The following PARD3B variants were observed in gnomAD, a reference collection of about 807,000 sequenced individuals.
PARD3B encodes par-3 family cell polarity regulator beta.
A neutral mutation model predicts 130.2 loss-of-function variants in PARD3B; 103 were observed. That is an observed-to-expected ratio of 0.79 (90% CI 0.67 to 0.93). The LOEUF is 0.93. Among genes scored for constraint, PARD3B ranks in the 40% least tolerant of loss-of-function variants. The pLI, the probability that PARD3B is intolerant of heterozygous loss-of-function variation, is 0.00. For synonymous variants in PARD3B, 583 were observed against 553.2 expected, an observed-to-expected ratio of 1.05 and a Z score of -0.76; for missense variants, 1,609 against 1,499.2, an observed-to-expected ratio of 1.07 and a Z score of -1.21.
intron 3 of PARD3B, among the ~76,000 whole-genome samples, chr2:205,023,968 G>A (rs10187835): frequency 0.018 from 2,805 of 152,114 alleles, 46 homozygotes; most frequent in African/African-American, 0.045. Context: ...GGTGTGTGGT[G>A]AGGAGAAAAT....
chr2:205,063,854 T>G (rs944291993), intron 4 of PARD3B, among the ~76,000 whole-genome samples: 1 of 152,150 alleles, frequency 6.6e-6, no homozygotes, highest in Admixed American at 6.6e-5. Context: ...GTAAAGCATG[T>G]AGGTATTCTA....
chr2:205,214,172 G>A (rs1419596624), intron 15 of PARD3B, among the ~76,000 whole-genome samples: 1 of 152,012 alleles, frequency 6.6e-6, no homozygotes, highest in African/African-American at 2.4e-5. Context: ...TTGCAGAACA[G>A]AGTAGAAGAT....
At chr2:205,192,106 A>G (rs1015467121) in intron 14 of PARD3B, among the ~76,000 whole-genome samples, 1 of 152,200 alleles carries the variant, frequency 6.6e-6, no homozygotes, top group Non-Finnish European at 1.5e-5. Flanking sequence ...CTGCATACTA[A>G]TTTTAATATT....
At chr2:205,360,452 T>C (rs1274352564) in intron 18 of PARD3B, among the ~76,000 whole-genome samples, 1 of 152,234 alleles carries the variant, frequency 6.6e-6, no homozygotes, top group Non-Finnish European at 1.5e-5. Context: ...AAAAATACTT[T>C]CCTACATTTC....
intron 2 of PARD3B, among the ~76,000 whole-genome samples, chr2:204,818,336 G>A (rs1485521099): frequency 6.6e-6 from 1 of 152,158 alleles, no homozygotes; most frequent in African/African-American, 2.4e-5. Flanking sequence ...AATGAAAGTA[G>A]ATATTAATTA....
At chr2:205,578,890 G>T (rs2053862170) in intron 22 of PARD3B, among the ~76,000 whole-genome samples, 1 of 152,168 alleles carries the variant, frequency 6.6e-6, no homozygotes, top group African/African-American at 2.4e-5. Context: ...TAAGGTAAGG[G>T]CCGTCTCTTA....
chr2:204,801,813 T>C (rs1235476733), intron 2 of PARD3B, among the ~76,000 whole-genome samples: 2 of 152,186 alleles, frequency 1.3e-5, no homozygotes, highest in Non-Finnish European at 1.5e-5. Context: ...TCCAGCCTTT[T>C]CCCATTTAGT....
At chr2:205,140,027 T>C (rs909613392) in intron 10 of PARD3B, among the ~76,000 whole-genome samples, 2 of 152,212 alleles carry the variant, frequency 1.3e-5, no homozygotes, top group African/African-American at 4.8e-5. Context: ...TCCCAAAGAT[T>C]GCGTTGCCTC....
At chr2:205,462,403 A>G (rs1364344247) in intron 20 of PARD3B, among the ~76,000 whole-genome samples, 2 of 152,176 alleles carry the variant, frequency 1.3e-5, no homozygotes, top group Non-Finnish European at 2.9e-5. Context: ...ACACCTGCAC[A>G]TGCATTCTTA....
chr2:205,121,446 T>C lies in PARD3B; in HGVS notation c.807-145T>C. 1.3e-6 allele frequency: 1 copy of C among 742,494 alleles called. No individual in the cohort carries two copies. Among genetic ancestry groups the C allele is most frequent in the Non-Finnish European group, 2.3e-6 (1 of 443,120 alleles). The allele number at this position is 742,494 out of a possible 1,614,324, so 46.0% of individuals were successfully genotyped here. ...TAGTAAGTGGTAACTAGTATGTAGT[T>C]GGCAAAGTCATTCTGATAGGAATAT... On this transcript the variant is annotated intron_variant, in intron 7 of 22. Coordinates refer to ENST00000406610, the MANE Select transcript of PARD3B (RefSeq NM_001302769.2). This position sits in a 1 kb window ranked among gnomAD's most constrained non-coding sequence, Gnocchi z 5.0.
chr2:205,496,969 G>A (rs553863505), intron 20 of PARD3B, among the ~76,000 whole-genome samples: 18 of 151,904 alleles, frequency 1.2e-4, no homozygotes, highest in Admixed American at 9.2e-4. Flanking sequence ...TTCCGTAATC[G>A]ACAGAAGCCT....
intron 21 of PARD3B, among the ~76,000 whole-genome samples, chr2:205,523,815 C>CT (rs11307073): frequency 0.062 from 7,544 of 121,394 alleles, 238 homozygotes; most frequent in Non-Finnish European, 0.076. Flanking sequence ...CTCTGATAAC[C>CT]TTTTTTTTTT....
chr2:205,514,833 C>CTTTTTTT (rs5837976), intron 21 of PARD3B, among the ~76,000 whole-genome samples: 3 of 136,064 alleles, frequency 2.2e-5, no homozygotes, highest in East Asian at 2.1e-4. Context: ...TCTTACAGTT[C>CTTTTTTT]TTTTTTTTTT....
intron 3 of PARD3B, among the ~76,000 whole-genome samples, chr2:205,037,335 A>AAT (rs1242703347): frequency 1.1e-5 from 1 of 90,568 alleles, no homozygotes; most frequent in African/African-American, 3.7e-5. Context: ...ATTTGTATAA[A>AAT]ATATATATAG....
rs2031281369 is a variant in PARD3B, at chr2:205,125,594, G to A, written c.1306-15G>A. On this transcript the variant is annotated splice_polypyrimidine_tract_variant and intron_variant, in intron 9 of 22. Transcript: ENST00000406610. This position sits in a 1 kb window ranked among gnomAD's most constrained non-coding sequence, Gnocchi z 4.0. ...GTATTGTGATTGTGGCTGTTCATAT[G>A]CTTTTATTCATTAGGTAAATGGGAG... 6.2e-7 allele frequency: 1 copy of A among 1,613,164 alleles called. No homozygotes were observed. Among genetic ancestry groups the A allele is most frequent in the East Asian group, 2.2e-5 (1 of 44,836 alleles).
At chr2:204,554,337 G>A (rs992776973) in intron 1 of PARD3B, among the ~76,000 whole-genome samples, 6 of 151,928 alleles carry the variant, frequency 3.9e-5, no homozygotes, top group Non-Finnish European at 8.8e-5. Flanking sequence ...CATCTGGTAG[G>A]CATCTTACAC....
intron 21 of PARD3B, among the ~76,000 whole-genome samples, chr2:205,546,152 G>A (rs1459107156): frequency 1.3e-5 from 2 of 152,116 alleles, no homozygotes; most frequent in Non-Finnish European, 2.9e-5. Flanking sequence ...CTCCTGATAG[G>A]CTTGTCACAG....
intron 18 of PARD3B, among the ~76,000 whole-genome samples, chr2:205,346,961 A>G (rs1381549081): frequency 6.9e-6 from 1 of 144,580 alleles, no homozygotes; most frequent in African/African-American, 2.8e-5. Context: ...TTTTTCTACC[A>G]TGGCTGAACA....
intron 18 of PARD3B, among the ~76,000 whole-genome samples, chr2:205,311,862 T>C (rs1025504245): frequency 2.0e-5 from 3 of 152,222 alleles, no homozygotes; most frequent in African/African-American, 7.2e-5. Context: ...TTTTTTGTTT[T>C]GTTTTGCTTT....
Sources: gnomAD v4.1 joint callset for allele counts (sites outside exome capture counted in the v4.1 genomes callset) on GRCh38, gnomAD v4.1.1 for gene constraint, Gnocchi (gnomAD v3.1) non-coding constraint, MANE v1.5 for transcripts, NCBI Gene and HGNC (gene_info 2026-07-23, HGNC 2026-07-21) for gene names.